GPHN: variants seen among roughly 807,000 people sequenced by gnomAD.
GPHN encodes the protein gephyrin.
A neutral mutation model predicts 95.5 loss-of-function variants in GPHN; 17 were observed. That is an observed-to-expected ratio of 0.18 (90% CI 0.12 to 0.27). The LOEUF (loss-of-function observed/expected upper bound fraction) is 0.27. Among genes scored for constraint, GPHN ranks in the 10% least tolerant of loss-of-function variants. The pLI is 1.00. For missense variants in GPHN, 660 were observed against 978.1 expected (o/e 0.67, Z 4.34); for synonymous variants, 320 against 322.5 (o/e 0.99, Z 0.08).
chr14:66,559,663 T>C (rs894785862), intron 1 of GPHN, among the ~76,000 whole-genome samples: 16 of 151,870 alleles, frequency 1.1e-4, no homozygotes, highest in African/African-American at 2.7e-4. Flanking sequence ...GAGTAGGTTG[T>C]GAAAATTTTC....
rs182234804 is a variant in GPHN at position 67,042,310 on chromosome 14, A to G, written c.1007-16339A>G. Among the ~76,000 whole-genome samples the G allele has an allele frequency of 6.0e-3, 910 of 152,240 alleles. 13 individuals carry two copies. Among genetic ancestry groups the G allele is most frequent in the African/African-American group, 0.021 (859 of 41,546 alleles). On this transcript the variant is annotated intron_variant, in intron 10 of 22. Coordinates refer to ENST00000478722, the MANE Select transcript of GPHN (RefSeq NM_020806.5). The stretch of plus-strand genomic sequence containing the variant: ...AGACATGAAGTCTTTGCCCATGTCT[A>G]TGTCCTGAATGGTATTGCCCAGGTT...
chr14:66,738,845 G>A (rs1002456278), intron 2 of GPHN, among the ~76,000 whole-genome samples: 1 of 151,962 alleles, frequency 6.6e-6, no homozygotes, highest in Admixed American at 6.6e-5. Context: ...GAGAATGTTT[G>A]TTCCCCACTT....
intron 4 of GPHN, among the ~76,000 whole-genome samples, chr14:66,875,253 G>A (rs2063599718): frequency 6.6e-6 from 1 of 152,286 alleles, no homozygotes; most frequent in East Asian, 1.9e-4. Flanking sequence ...AGCTCCTGAA[G>A]GAAGCACTGA....
chr14:67,406,077 G>A, the GPHN span, among the ~76,000 whole-genome samples: 2 of 152,014 alleles, frequency 1.3e-5, no homozygotes, highest in South Asian at 4.2e-4. Flanking sequence ...TGGCCAAAAA[G>A]GTTAAACCCC....
chr14:67,524,834 T>C, the GPHN span, among the ~76,000 whole-genome samples: 1 of 152,200 alleles, frequency 6.6e-6, no homozygotes, highest in Non-Finnish European at 1.5e-5. Flanking sequence ...CCCTCTGATC[T>C]GAACAGTGAT....
chr14:66,701,753 A>G (rs1358325522), intron 2 of GPHN, among the ~76,000 whole-genome samples: 5 of 152,202 alleles, frequency 3.3e-5, no homozygotes, highest in Non-Finnish European at 5.9e-5. Context: ...CTCAGCTAGA[A>G]TCTACTTAAG....
chr14:67,644,081 CTTG>C, the GPHN span, among the ~76,000 whole-genome samples: 2 of 152,108 alleles, frequency 1.3e-5, no homozygotes, highest in Non-Finnish European at 2.9e-5. Context: ...TACCACAGAT[CTTG>C]TTTTCTTTTC....
the GPHN span, chr14:67,320,223 C>T: frequency 1.3e-6 from 2 of 1,593,222 alleles, no homozygotes; most frequent in South Asian, 1.1e-5. Context: ...ACTTTTTTTT[C>T]CCAAAGATTA....
chr14:66,818,990 T>C (rs1462051176), intron 3 of GPHN, among the ~76,000 whole-genome samples: 1 of 152,220 alleles, frequency 6.6e-6, no homozygotes, highest in East Asian at 1.9e-4. Flanking sequence ...TATTAGACCT[T>C]TGTCAGATGC....
intron 17 of GPHN, among the ~76,000 whole-genome samples, chr14:67,130,110 A>C (rs144309705): frequency 1.3e-5 from 2 of 151,730 alleles, no homozygotes; most frequent in Non-Finnish European, 2.9e-5. Context: ...ATATATTTAC[A>C]TATTTTCTAC....
the GPHN span, among the ~76,000 whole-genome samples, chr14:67,468,622 T>C: frequency 2.0e-5 from 3 of 152,030 alleles, no homozygotes; most frequent in South Asian, 6.2e-4. Context: ...AGGCGCCCAC[T>C]GACTAGAGTA....
At chr14:67,372,188 A>T in the GPHN span, among the ~76,000 whole-genome samples, 1 of 152,242 alleles carries the variant, frequency 6.6e-6, no homozygotes, top group South Asian at 2.1e-4. Context: ...CAAAAGTACA[A>T]AGGCAGCTGA....
At chr14:67,674,366 C>A in the GPHN span, 1 of 1,585,364 alleles carries the variant, frequency 6.3e-7, no homozygotes, top group South Asian at 1.1e-5. Context: ...TGGCCCACCC[C>A]CGCCTCACCG....
chr14:67,532,100 T>C, the GPHN span, among the ~76,000 whole-genome samples: 1 of 152,148 alleles, frequency 6.6e-6, no homozygotes, highest in African/African-American at 2.4e-5. Flanking sequence ...AGTTCAGCCA[T>C]TGAAGTCCCA....
intron 4 of GPHN, among the ~76,000 whole-genome samples, chr14:66,850,968 T>A (rs2062557454): frequency 6.6e-6 from 1 of 152,086 alleles, no homozygotes; most frequent in African/African-American, 2.4e-5. Context: ...ATAATCACAT[T>A]TTGTTATAAG....
At chr14:67,094,867 A>G (rs187814723) in intron 12 of GPHN, among the ~76,000 whole-genome samples, 16 of 152,338 alleles carry the variant, frequency 1.1e-4, no homozygotes, top group Non-Finnish European at 1.0e-4. Flanking sequence ...GTTTAGATAC[A>G]CAAATACTTA....
At chr14:67,175,796 C>T (rs1271561166) in intron 21 of GPHN, among the ~76,000 whole-genome samples, 1 of 152,146 alleles carries the variant, frequency 6.6e-6, no homozygotes, top group African/African-American at 2.4e-5. Context: ...TCCTTCACAT[C>T]CCTTGTAAGT....
intron 12 of GPHN, among the ~76,000 whole-genome samples, chr14:67,090,222 G>T (rs1347698628): frequency 1.3e-5 from 2 of 152,052 alleles, no homozygotes; most frequent in Non-Finnish European, 2.9e-5. Flanking sequence ...GAGTTATGGA[G>T]TCTCTTACTT....
chr14:67,326,218 C>T, the GPHN span, among the ~76,000 whole-genome samples: 44 of 36,810 alleles, frequency 1.2e-3, no homozygotes, highest in Admixed American at 2.1e-3. Context: ...CAATTTAGGT[C>T]TGATTTTTTT....
Sources: gnomAD v4.1 joint callset for allele counts (sites outside exome capture counted in the v4.1 genomes callset) on GRCh38, gnomAD v4.1.1 for gene constraint, MANE v1.5 for transcripts, NCBI Gene and HGNC (gene_info 2026-07-23, HGNC 2026-07-21) for gene names.